GABRA3: variants seen among roughly 807,000 people sequenced by gnomAD.
GABRA3 encodes gamma-aminobutyric acid receptor subunit alpha-3.
In GABRA3, 10 loss-of-function variants were observed where a neutral mutation model predicts 30.1. That is an observed-to-expected ratio of 0.33 (90% confidence interval 0.20 to 0.56). The LOEUF is 0.56. GABRA3 is among the 20% of genes least tolerant of loss of function. GABRA3 has a pLI of 0.89. For missense variants in GABRA3, 233 were observed against 392.0 expected, an observed-to-expected ratio of 0.59 and a Z score of 3.42; for synonymous variants, 151 against 146.8, an observed-to-expected ratio of 1.03 and a Z score of -0.21.
intron 1 of GABRA3, chrX:152,392,203 G>A (rs769200386): frequency 1.0e-5 from 4 of 383,381 alleles, no homozygotes; most frequent in African/African-American, 2.6e-5. Flanking sequence ...AGAAGCAGAC[G>A]GCAATGTAGC....
At chrX:152,312,779 A>G (rs1189307881) in intron 3 of GABRA3, among the ~76,000 whole-genome samples, 7 of 112,104 alleles carry the variant, frequency 6.2e-5, no homozygotes, top group African/African-American at 2.3e-4. Context: ...CAAACAAATC[A>G]ACAAGCAAGA....
At chrX:152,303,568 C>T (rs144974917) in intron 3 of GABRA3, among the ~76,000 whole-genome samples, 5,116 of 111,583 alleles carry the variant, frequency 0.046, 124 homozygotes, top group East Asian at 0.12. Flanking sequence ...AACCCAAATG[C>T]CCATCAATGA....
intron 5 of GABRA3, among the ~76,000 whole-genome samples, chrX:152,253,309 C>G (rs1024380532): frequency 1.0e-4 from 11 of 109,372 alleles, no homozygotes; most frequent in Non-Finnish European, 1.9e-4. Flanking sequence ...CATTGTATCT[C>G]TCTCCTGATC....
chrX:152,290,799 G>C (rs1939397426), intron 3 of GABRA3, among the ~76,000 whole-genome samples: 2 of 111,635 alleles, frequency 1.8e-5, no homozygotes, highest in South Asian at 7.4e-4. Flanking sequence ...GTTTTTGTCA[G>C]GTTTGTCAAA....
chrX:152,418,517 C>T (rs1333606691), intron 1 of GABRA3, among the ~76,000 whole-genome samples: 3 of 111,645 alleles, frequency 2.7e-5, no homozygotes, highest in African/African-American at 9.8e-5. Flanking sequence ...TGGGATACAA[C>T]AGAGCCATTA....
At chrX:152,307,161 C>T (rs915670685) in intron 3 of GABRA3, among the ~76,000 whole-genome samples, 2 of 111,327 alleles carry the variant, frequency 1.8e-5, no homozygotes, top group African/African-American at 6.5e-5. Context: ...TCTTAGTTTC[C>T]ACATCTGTGA....
intron 7 of GABRA3, among the ~76,000 whole-genome samples, chrX:152,206,296 C>T (rs1182490256): frequency 8.9e-6 from 1 of 112,402 alleles, no homozygotes; most frequent in Non-Finnish European, 1.9e-5. Context: ...CCTCTTTTCC[C>T]TTAAGTTGGG....
intron 1 of GABRA3, among the ~76,000 whole-genome samples, chrX:152,377,567 T>C (rs1219334331): frequency 9.1e-6 from 1 of 109,349 alleles, no homozygotes. Flanking sequence ...ACTGTACAGA[T>C]GGATAAATTA....
rs1470966282 is a variant in GABRA3 at position 152,222,087 on chromosome X, T to C, written c.634+2676A>G. Among the ~76,000 whole-genome samples, 3 of 111,434 alleles carry C rather than the reference T, an allele frequency of 2.7e-5. No individual in the cohort carries two copies. The Admixed American group carries it at 2.9e-4, about 11-fold the overall frequency. The stretch of plus-strand genomic sequence containing the variant: ...GGTGGCTGCAGAATATTCCATGGTG[T>C]ATATGTACTATATTTTCTTTATTCA... On this transcript the variant is annotated intron_variant, in intron 6 of 9. Coordinates refer to ENST00000370314, the MANE Select transcript of GABRA3 (RefSeq NM_000808.4).
At chrX:152,227,611 A>ATTTT (rs1937989360) in intron 5 of GABRA3, among the ~76,000 whole-genome samples, 1 of 101,732 alleles carries the variant, frequency 9.8e-6, no homozygotes, top group East Asian at 3.1e-4. Context: ...TTTTTTTTTA[A>ATTTT]AAAAAAAAGA....
chrX:152,380,333 A>G (rs1929109259), intron 1 of GABRA3, among the ~76,000 whole-genome samples: 1 of 111,981 alleles, frequency 8.9e-6, no homozygotes, highest in South Asian at 3.7e-4. Flanking sequence ...TAGATTTCAC[A>G]TAAAAGAGAA....
chrX:152,398,125 C>T (rs1158781843), intron 1 of GABRA3, among the ~76,000 whole-genome samples: 10 of 111,828 alleles, frequency 8.9e-5, no homozygotes, highest in Non-Finnish European at 1.9e-4. Flanking sequence ...GGTTTCAATT[C>T]TGCCTCAGCC....
rs757876405 is a variant in GABRA3, at chrX:152,345,627, A to G, written c.216T>C (p.Asp72=). The change falls in exon 3 of 10, where the codon GAT becomes GAC. Residue 72 remains aspartate, a synonymous_variant. Coordinates refer to ENST00000370314, the MANE Select transcript of GABRA3 (RefSeq NM_000808.4). ...GGTTGTCATAGCCGTCCAGAAGACG[A>G]TCCAAGATTCTGGTGAAGATAGTGA... The part of the protein sequence containing the change: ...DNITIFTRIL[D]RLLDGYDNRL... 1.7e-6 allele frequency: 2 copies of G among 1,209,573 alleles called. No homozygotes were observed. The highest frequency in any genetic ancestry group is 2.2e-6 in the Non-Finnish European group (2 of 894,007).
At chrX:152,252,410 C>G (rs1938571293) in intron 5 of GABRA3, among the ~76,000 whole-genome samples, 1 of 111,468 alleles carries the variant, frequency 9.0e-6, no homozygotes, top group South Asian at 3.7e-4. Flanking sequence ...AATGCTGGCT[C>G]AACCATCTAC....
At chrX:152,185,626 TAACC>T (rs769995857) in intron 9 of GABRA3, among the ~76,000 whole-genome samples, 3 of 111,602 alleles carry the variant, frequency 2.7e-5, no homozygotes, top group Non-Finnish European at 5.6e-5. Flanking sequence ...TCTACTGTAG[TAACC>T]AAACTGGAAC....
intron 3 of GABRA3, among the ~76,000 whole-genome samples, chrX:152,338,480 G>T (rs1452840380): frequency 9.0e-6 from 1 of 111,573 alleles, no homozygotes; most frequent in Admixed American, 9.6e-5. Context: ...CATTTTGTGG[G>T]TGTCTCTTCA....
At chrX:152,307,567 C>T (rs1022676961) in intron 3 of GABRA3, among the ~76,000 whole-genome samples, 2 of 111,609 alleles carry the variant, frequency 1.8e-5, no homozygotes, top group Non-Finnish European at 3.8e-5. Context: ...GCAGACTAGA[C>T]ATAGCCAGGA....
chrX:152,447,032 G>C (rs779900641), intron 1 of GABRA3, among the ~76,000 whole-genome samples: 3 of 111,436 alleles, frequency 2.7e-5, no homozygotes, highest in Non-Finnish European at 5.7e-5. Context: ...TTCCAGGAAG[G>C]TGTCTTTGAT....
chrX:152,241,014 C>G (rs1172104046), intron 5 of GABRA3, among the ~76,000 whole-genome samples: 1 of 108,345 alleles, frequency 9.2e-6, no homozygotes, highest in East Asian at 2.9e-4. Flanking sequence ...CATTCTCCAT[C>G]CAGCTTTGTT....
Sources: allele counts gnomAD v4.1 joint callset (sites outside exome capture counted in the v4.1 genomes callset), GRCh38; gene constraint gnomAD v4.1.1; transcripts MANE v1.5; gene names NCBI Gene and HGNC (gene_info 2026-07-23, HGNC 2026-07-21).